MAP4K3: variants seen among roughly 807,000 people sequenced by gnomAD.
The protein encoded by MAP4K3 is mitogen-activated protein kinase kinase kinase kinase 3.
Under a neutral mutation model 143.5 loss-of-function variants are expected in MAP4K3, and 94 were observed. The observed-to-expected ratio is 0.65, with a 90% CI of 0.55 to 0.78. The LOEUF is 0.78. Among genes scored for constraint, MAP4K3 ranks in the 30% least tolerant of loss-of-function variants. MAP4K3 has a pLI of 0.00. For synonymous variants in MAP4K3, 416 were observed against 347.2 expected (o/e 1.20, Z -2.20); for missense variants, 1,077 against 1,068.1 (o/e 1.01, Z -0.12).
intron 16 of MAP4K3, among the ~76,000 whole-genome samples, chr2:39,296,583 C>T (rs79430347): frequency 0.033 from 5,047 of 152,274 alleles, 123 homozygotes; most frequent in South Asian, 0.056. Flanking sequence ...CACCAAAATA[C>T]TCAGCATATT....
chr2:39,277,088 ATT>A (rs1681290827), intron 24 of MAP4K3, among the ~76,000 whole-genome samples: 1 of 152,154 alleles, frequency 6.6e-6, no homozygotes, highest in Non-Finnish European at 1.5e-5. Context: ...CTCTTTTACC[ATT>A]TGACCATGGT....
chr2:39,422,478 T>C (rs1178712563), intron 1 of MAP4K3, among the ~76,000 whole-genome samples: 2 of 152,166 alleles, frequency 1.3e-5, no homozygotes, highest in Non-Finnish European at 2.9e-5. Context: ...CCAAATCTAT[T>C]GAGACCTTGA....
At chr2:39,311,109 T>C (rs1246417256) in intron 13 of MAP4K3, among the ~76,000 whole-genome samples, 1 of 152,174 alleles carries the variant, frequency 6.6e-6, no homozygotes, top group African/African-American at 2.4e-5. Flanking sequence ...ACGGAGTCTC[T>C]TTCCGTTGCC....
chr2:39,287,597 C>T (rs780541873), intron 20 of MAP4K3, among the ~76,000 whole-genome samples: 4 of 152,130 alleles, frequency 2.6e-5, no homozygotes, highest in Non-Finnish European at 5.9e-5. Context: ...GCCACCATGC[C>T]CAGCCTAGTT....
chr2:39,350,601 T>C (rs1319202767), intron 3 of MAP4K3, among the ~76,000 whole-genome samples: 1 of 152,224 alleles, frequency 6.6e-6, no homozygotes, highest in Non-Finnish European at 1.5e-5. Flanking sequence ...TAGCACTGTC[T>C]CTGGCTCTAG....
intron 15 of MAP4K3, among the ~76,000 whole-genome samples, chr2:39,303,784 G>A (rs1245166421): frequency 3.9e-5 from 6 of 152,266 alleles, no homozygotes; most frequent in African/African-American, 4.8e-5. Context: ...TGATCCACCC[G>A]CCTTGGCCTC....
At chr2:39,330,835 A>C (rs1683658442) in intron 8 of MAP4K3, among the ~76,000 whole-genome samples, 1 of 152,158 alleles carries the variant, frequency 6.6e-6, no homozygotes, top group South Asian at 2.1e-4. Flanking sequence ...GAAATTATTA[A>C]AATCAGGAAA....
At chr2:39,429,940 G>C (rs1201140517) in intron 1 of MAP4K3, among the ~76,000 whole-genome samples, 3 of 152,204 alleles carry the variant, frequency 2.0e-5, no homozygotes, top group Admixed American at 6.5e-5. Flanking sequence ...CAAAAGTGCT[G>C]AGGCAATTCA....
chr2:39,333,782 G>C (rs1259467636), intron 6 of MAP4K3, among the ~76,000 whole-genome samples: 2 of 151,950 alleles, frequency 1.3e-5, no homozygotes, highest in Non-Finnish European at 2.9e-5. Context: ...AAAATGTTCT[G>C]CCTTGCAAAA....
intron 12 of MAP4K3, among the ~76,000 whole-genome samples, chr2:39,324,357 A>G (rs1683416961): frequency 6.6e-6 from 1 of 152,118 alleles, no homozygotes; most frequent in African/African-American, 2.4e-5. Flanking sequence ...CAGTGAGCTG[A>G]GAGCATGCCA....
intron 31 of MAP4K3, among the ~76,000 whole-genome samples, chr2:39,256,610 G>A (rs73924818): frequency 0.04 from 6,070 of 152,176 alleles, 198 homozygotes; most frequent in African/African-American, 0.082. Context: ...ATTTGATAAT[G>A]TGTAATTCTA....
chr2:39,396,931 A>G (rs1260522340), intron 1 of MAP4K3, among the ~76,000 whole-genome samples: 4 of 152,208 alleles, frequency 2.6e-5, no homozygotes, highest in Non-Finnish European at 5.9e-5. Flanking sequence ...ACTTGATCTA[A>G]AAGACCATTT....
intron 22 of MAP4K3, among the ~76,000 whole-genome samples, 197 bp downstream of exon 22, chr2:39,282,316 G>A (rs1226060074): frequency 6.6e-6 from 1 of 152,142 alleles, no homozygotes; most frequent in Non-Finnish European, 1.5e-5. Context: ...TGGCCAACAT[G>A]GTGAAACTCT....
chr2:39,417,749 G>A (rs1161309002), intron 1 of MAP4K3, among the ~76,000 whole-genome samples: 1 of 152,058 alleles, frequency 6.6e-6, no homozygotes, highest in African/African-American at 2.4e-5. Context: ...TCAATGACAC[G>A]CCAACAGCAA....
At chr2:39,339,154 TTGGAGTACTTG>T (rs1665069817) in intron 4 of MAP4K3, among the ~76,000 whole-genome samples, 1 of 152,180 alleles carries the variant, frequency 6.6e-6, no homozygotes, top group African/African-American at 2.4e-5. Flanking sequence ...CATGTTTAGT[TTGGAGTACTTG>T]TGGTATTTTA....
rs1681799563 is a variant in MAP4K3, at chr2:39,286,861, TTTC to T, written c.1575_1577del (p.Lys526del). The T allele has an allele frequency of 1.2e-6, 2 of 1,600,258 alleles. No individual in the cohort carries two copies. Among genetic ancestry groups the T allele is most frequent in the African/African-American group, 1.3e-5 (1 of 74,670 alleles). ...GACTATCAATACCTACTGGTACATC[TTTC>T]TTTTCTTTTCTTGAAAGGTTTGTGC... On this transcript the variant is annotated inframe_deletion, in exon 21 of 34. Transcript: ENST00000263881.
Position 39,280,314 on chromosome 2 carries a change from T to C in MAP4K3, c.1672A>G (p.Lys558Glu). ...FSKVFNGCPL[K>E]IHCASSWINP... is the part of the protein sequence containing the mutation. The stretch of plus-strand genomic sequence containing the variant: ...ATCCATGATGATGCACAGTGAATTT[T>C]CAAGGGACACCCATTAAAAACTTTT... The change falls in exon 23 of 34, where the codon AAA becomes GAA. Residue 558 changes from lysine (K) to glutamate (E), a missense_variant. Lys to Glu is a moderately conservative substitution (Grantham distance 56, BLOSUM62 1). This residue lies in a region of MAP4K3 where 864 missense variants were observed against 801.2 expected (regional missense o/e 1.08). Transcript: ENST00000263881. 6.2e-7 allele frequency: 1 copy of C among 1,604,800 alleles called. No individual in the cohort carries two copies. Among genetic ancestry groups the C allele is most frequent in the Non-Finnish European group, 8.5e-7 (1 of 1,174,378 alleles).
At chr2:39,346,423 T>A (rs1665294547) in intron 3 of MAP4K3, among the ~76,000 whole-genome samples, 1 of 151,470 alleles carries the variant, frequency 6.6e-6, no homozygotes, top group Non-Finnish European at 1.5e-5. Flanking sequence ...ATCTTATACT[T>A]AAAAAAAAAT....
intron 2 of MAP4K3, among the ~76,000 whole-genome samples, chr2:39,358,117 C>G (rs529812067): frequency 9.9e-5 from 15 of 152,180 alleles, no homozygotes; most frequent in Non-Finnish European, 2.1e-4. Flanking sequence ...TTCAGATATA[C>G]CTGTACATGA....
Sources: allele counts gnomAD v4.1 joint callset (sites outside exome capture counted in the v4.1 genomes callset), GRCh38; gene constraint gnomAD v4.1.1; regional missense constraint gnomAD v4.1.1; transcripts MANE v1.5; gene names NCBI Gene and HGNC (gene_info 2026-07-23, HGNC 2026-07-21).